ZNF891: variants seen among roughly 807,000 people sequenced by gnomAD.
ZNF891 encodes the protein zinc finger protein 891, also known as hCG1646157.
For synonymous variants in ZNF891, 199 were observed against 209.0 expected, an observed-to-expected ratio of 0.95 and a Z score of 0.41; for missense variants, 589 against 632.7, an observed-to-expected ratio of 0.93 and a Z score of 0.74.
At position 133,105,546 on chromosome 12, in the gene ZNF891, C is replaced by CA; in HGVS notation, c.*14737dup. On this transcript the variant is annotated 3_prime_UTR_variant, in exon 2 of 2. Transcript: ENST00000537226. ...AGTGGTGAGATCAAAGACTTTTCAC[C>CA]AAAAAATGTCATTTATGATGACTCA... The CA allele has an allele frequency of 6.2e-7, 1 of 1,609,398 alleles. No individual in the cohort carries two copies. The highest frequency in any genetic ancestry group is 1.3e-5 in the African/African-American group (1 of 74,656).
In ZNF891 at chr12:133,106,733, A is replaced by G. The variant is rs1955614801; in HGVS notation, c.*13551T>C. ...TGCCTTACTTCAGAGAACTCTTGGA[A>G]AGAAGCCTTATGTGAAAGTGATGAC... is the stretch of plus-strand genomic sequence containing the variant. On this transcript the variant is annotated 3_prime_UTR_variant, in exon 2 of 2. Coordinates refer to ENST00000537226, the MANE Select transcript of ZNF891 (RefSeq NM_001277291.2). 6 of 1,276,348 alleles carry G rather than the reference A, an allele frequency of 4.7e-6. No homozygotes were observed. In the South Asian group the frequency reaches 7.8e-5, roughly 17 times the overall value. The allele number at this position is 1,276,348 out of a possible 1,614,324, so 79.1% of individuals were successfully genotyped here. A position where few individuals can be genotyped will look rare whatever the true frequency, so the allele number is the denominator to read the frequency against.
At position 133,106,433 on chromosome 12, in the gene ZNF891, G is replaced by A. The variant is rs534620240; in HGVS notation, c.*13851C>T. ...GAGTCACACTGGAGAGAAACCCTAT[G>A]CGTGTGCTGAATGTGATAAAGCCTT... On this transcript the variant is annotated 3_prime_UTR_variant, in exon 2 of 2. Transcript: ENST00000537226. 1 of 1,614,074 alleles carries A rather than the reference G, an allele frequency of 6.2e-7. No individual in the cohort carries two copies. The highest frequency in any genetic ancestry group is 1.3e-5 in the African/African-American group (1 of 75,030).
chr12:133,105,997 T>TG lies in ZNF891; in HGVS notation c.*14286dup. ...TTATTGAACACCAGAGAACGCACAC[T>TG]GGGGAGAAACCTTATGAATGTACTG... On this transcript the variant is annotated 3_prime_UTR_variant, in exon 2 of 2. Coordinates refer to ENST00000537226, the MANE Select transcript of ZNF891 (RefSeq NM_001277291.2). 1 of 1,614,130 alleles carries TG rather than the reference T, an allele frequency of 6.2e-7. No individual in the cohort carries two copies. Among genetic ancestry groups the TG allele is most frequent in the Non-Finnish European group, 8.5e-7 (1 of 1,180,034 alleles).
chr12:133,111,607 T>C lies in ZNF891; in HGVS notation c.*8677A>G, dbSNP rs1955683087. ...AAATTGCATGGAAAAAAATGGATAT[T>C]GCATCAAAAAATATTTTAGAAAAAT... is the stretch of plus-strand genomic sequence containing the variant. On this transcript the variant is annotated 3_prime_UTR_variant, in exon 2 of 2. Transcript: ENST00000537226. 1 of 152,196 alleles carries C rather than the reference T, an allele frequency of 6.6e-6. No individual in the cohort carries two copies. Among genetic ancestry groups the C allele is most frequent in the African/African-American group, 2.4e-5 (1 of 41,446 alleles). The allele number at this position is 152,196 out of a possible 1,614,324, so 9.4% of individuals were successfully genotyped here.
Position 133,120,912 on chromosome 12 carries a change from G to A in ZNF891, c.1007C>T (p.Thr336Ile). The change falls in exon 2 of 2, where the codon ACT (threonine) becomes ATT (isoleucine). Residue 336 changes from threonine (T) to isoleucine (I), a missense_variant. Coordinates refer to ENST00000537226, the MANE Select transcript of ZNF891 (RefSeq NM_001277291.2). The stretch of plus-strand genomic sequence containing the variant: ...ACCCATGTGACTTTTCTTGTATAAA[G>A]TAAGATTAGAAATCCTTTTGAAGGC... ...GKAFKRISNL[T>I]LYKKSHMGEK... 6.5e-7 allele frequency: 1 copy of A among 1,537,390 alleles called. No homozygotes were observed. The highest frequency in any genetic ancestry group is 8.7e-7 in the Non-Finnish European group (1 of 1,146,844).
Position 133,121,914 on chromosome 12 carries a change from G to A in ZNF891, c.5C>T (p.Ala2Val). The change falls in exon 2 of 2, where the codon GCA (alanine) becomes GTA (valine). Residue 2 changes from alanine to valine, a missense_variant. Transcript: ENST00000537226. The stretch of plus-strand genomic sequence containing the variant: ...CCATGGGGAGGATAGGTCCATAACT[G>A]CCATTTTATGAGTACATAAGCCTGC... M[A>V]VMDLSSPWAL... 1 of 1,532,054 alleles carries A rather than the reference G, an allele frequency of 6.5e-7. No individual in the cohort carries two copies. Among genetic ancestry groups the A allele is most frequent in the Non-Finnish European group, 8.7e-7 (1 of 1,144,736 alleles). The allele number at this position is 1,532,054 out of a possible 1,614,324, so 94.9% of individuals were successfully genotyped here. A position where few individuals can be genotyped will look rare whatever the true frequency, so the allele number is the denominator to read the frequency against.
chr12:133,125,805 C>CTCCT, intron 1 of ZNF891: 1 of 491,288 alleles, frequency 2.0e-6, no homozygotes, highest in Admixed American at 2.1e-5. Flanking sequence ...TCAACATGCC[C>CTCCT]TCCTCACAGG....
chr12:133,129,043 A>T (rs1422044604), intron 1 of ZNF891, among the ~76,000 whole-genome samples: 1 of 152,148 alleles, frequency 6.6e-6, no homozygotes, highest in Non-Finnish European at 1.5e-5. Context: ...AAAATATTAA[A>T]AAGTGGTGAT....
At chr12:133,122,589 C>A (rs1323198464) in intron 1 of ZNF891, among the ~76,000 whole-genome samples, 1 of 152,112 alleles carries the variant, frequency 6.6e-6, no homozygotes, top group Non-Finnish European at 1.5e-5. Context: ...CGCACTGGGG[C>A]CTGTCGGGTG....
intron 1 of ZNF891, among the ~76,000 whole-genome samples, chr12:133,125,067 A>G (rs11832642): frequency 9.8e-4 from 150 of 152,336 alleles, no homozygotes; most frequent in African/African-American, 3.3e-3. Context: ...GAAAAACCAT[A>G]CAGACTTCAA....
intron 1 of ZNF891, among the ~76,000 whole-genome samples, chr12:133,123,490 C>G (rs1333285176): frequency 1.3e-5 from 2 of 151,924 alleles, no homozygotes; most frequent in African/African-American, 2.4e-5. Flanking sequence ...TTTGGGAGAC[C>G]AACGCGGAGG....
chr12:133,128,560 G>A (rs1296597005), intron 1 of ZNF891, among the ~76,000 whole-genome samples: 1 of 152,194 alleles, frequency 6.6e-6, no homozygotes. Context: ...CTTGAACCCG[G>A]GATGTGGAAG....
chr12:133,124,226 G>T (rs1955792857), intron 1 of ZNF891, among the ~76,000 whole-genome samples: 1 of 152,100 alleles, frequency 6.6e-6, no homozygotes, highest in Non-Finnish European at 1.5e-5. Flanking sequence ...ACTTTAAATC[G>T]GTGGGGGGAA....
rs1292669468 is a variant in ZNF891 at position 133,118,096 on chromosome 12, C to A, written c.*2188G>T. On this transcript the variant is annotated 3_prime_UTR_variant, in exon 2 of 2. Transcript: ENST00000537226. ...GAGTAGCTGGGACTACAGGCATGTG[C>A]CACCACACCCGGCTAATTTTTGTAT... The A allele has an allele frequency of 6.6e-6, 1 of 152,162 alleles. No homozygotes were observed. The highest frequency in any genetic ancestry group is 1.5e-5 in the Non-Finnish European group (1 of 68,094). 9.4% of individuals were successfully genotyped at this position (152,162 alleles called of 1,614,324 possible). A position where few individuals can be genotyped will look rare whatever the true frequency, so the allele number is the denominator to read the frequency against.
chr12:133,122,899 A>G (rs1004703230), intron 1 of ZNF891, among the ~76,000 whole-genome samples: 1 of 152,262 alleles, frequency 6.6e-6, no homozygotes, highest in Non-Finnish European at 1.5e-5. Flanking sequence ...GGCACTAACT[A>G]TTAACATTAG....
intron 1 of ZNF891, among the ~76,000 whole-genome samples, chr12:133,124,847 T>C (rs561083462): frequency 1.1e-4 from 16 of 150,970 alleles, no homozygotes; most frequent in African/African-American, 3.6e-4. Flanking sequence ...CCACTCAAGA[T>C]AGTTCCTGAA....
chr12:133,113,025 C>T lies in ZNF891; in HGVS notation c.*7259G>A, dbSNP rs1224449597. 6.6e-6 allele frequency: 1 copy of T among 150,580 alleles called. No individual in the cohort carries two copies. The highest frequency in any genetic ancestry group is 2.4e-5 in the African/African-American group (1 of 41,066). The allele number at this position is 150,580 out of a possible 1,614,324, so 9.3% of individuals were successfully genotyped here. On this transcript the variant is annotated 3_prime_UTR_variant, in exon 2 of 2. Coordinates refer to ENST00000537226, the MANE Select transcript of ZNF891 (RefSeq NM_001277291.2). ...GGTGAGCAGAGATCGTGCCACTGCA[C>T]TACAGCCTGGGCGACAGAGCAAGAC...
rs1955706469 is a variant in ZNF891 at position 133,114,843 on chromosome 12, C to T, written c.*5441G>A. 6.6e-6 allele frequency: 1 copy of T among 152,156 alleles called. No homozygotes were observed. Among genetic ancestry groups the T allele is most frequent in the Non-Finnish European group, 1.5e-5 (1 of 68,048 alleles). 9.4% of individuals were successfully genotyped at this position (152,156 alleles called of 1,614,324 possible). On this transcript the variant is annotated 3_prime_UTR_variant, in exon 2 of 2. Transcript: ENST00000537226. ...GTCTTGTAAAAAGATTTTATCTTAA[C>T]TGGAGAAAAAGGCCAGAAGAAGATT...
At chr12:133,129,367 G>A (rs1382310231) in intron 1 of ZNF891, among the ~76,000 whole-genome samples, 1 of 151,984 alleles carries the variant, frequency 6.6e-6, no homozygotes, top group Non-Finnish European at 1.5e-5. Flanking sequence ...TGGGCGTGGT[G>A]GCTCATGTCT....
Sources: allele counts gnomAD v4.1 joint callset (sites outside exome capture counted in the v4.1 genomes callset), GRCh38; gene constraint gnomAD v4.1.1; transcripts MANE v1.5; gene names NCBI Gene and HGNC (gene_info 2026-07-23, HGNC 2026-07-21).